The following EGFR variants were observed in gnomAD, a reference collection of about 807,000 sequenced individuals.
The protein encoded by EGFR is avian erythroblastic leukemia viral (v-erb-b) oncogene homolog.
Under a neutral mutation model 143.0 loss-of-function variants are expected in EGFR, and 58 were observed. The ratio of observed to expected loss-of-function variants is 0.41; its 90% confidence interval spans 0.33 to 0.50. The LOEUF (loss-of-function observed/expected upper bound fraction) is 0.50. EGFR is among the 20% of genes least tolerant of loss of function. EGFR has a pLI of 0.39. For synonymous variants in EGFR, 613 were observed against 594.4 expected (o/e 1.03, Z -0.45); for missense variants, 1,307 against 1,579.0 (o/e 0.83, Z 2.92).
intron 1 of EGFR, among the ~76,000 whole-genome samples, chr7:55,097,924 A>T (rs1791575446): frequency 6.6e-6 from 1 of 152,154 alleles, no homozygotes; most frequent in East Asian, 1.9e-4. Flanking sequence ...CAAATTTTTA[A>T]AAACATGACA....
intron 1 of EGFR, among the ~76,000 whole-genome samples, chr7:55,081,308 T>C (rs1790450068): frequency 6.6e-6 from 1 of 152,214 alleles, no homozygotes; most frequent in Non-Finnish European, 1.5e-5. Flanking sequence ...GTAACGGAGA[T>C]ACTCTATTCT....
chr7:55,101,811 G>C (rs1400538289), intron 1 of EGFR, among the ~76,000 whole-genome samples: 1 of 152,184 alleles, frequency 6.6e-6, no homozygotes, highest in African/African-American at 2.4e-5. Context: ...AAGTTTGCCT[G>C]TCAACAGTTC....
chr7:55,207,321 A>G lies in EGFR; in HGVS notation c.*1704A>G, dbSNP rs770091936. ...TTTTTGTCTCAATGAAAATAAAACTATATTCATTTCCACTCTATTATGCTC... is the reference window on the plus strand; with the variant it reads ...TTTTTGTCTCAATGAAAATAAAACTGTATTCATTTCCACTCTATTATGCTC... On this transcript the variant is annotated 3_prime_UTR_variant, in exon 28 of 28. Coordinates refer to ENST00000275493, the MANE Select transcript of EGFR (RefSeq NM_005228.5). 8.6e-6 allele frequency: 2 copies of G among 231,790 alleles called. No homozygotes were observed. The highest frequency in any genetic ancestry group is 1.3e-3 in the Middle Eastern group (1 of 772). The allele number at this position is 231,790 out of a possible 1,614,324, so 14.4% of individuals were successfully genotyped here. A position where few individuals can be genotyped will look rare whatever the true frequency, so the allele number is the denominator to read the frequency against.
chr7:55,040,171 C>T (rs2128868872), intron 1 of EGFR, among the ~76,000 whole-genome samples: 1 of 152,244 alleles, frequency 6.6e-6, no homozygotes, highest in Admixed American at 6.5e-5. Flanking sequence ...CTGCATCAGG[C>T]TTGGAAGTGG....
At chr7:55,187,270 C>T (rs945464202) in intron 20 of EGFR, among the ~76,000 whole-genome samples, 14 of 152,060 alleles carry the variant, frequency 9.2e-5, no homozygotes, top group Admixed American at 8.5e-4. Context: ...TGGTGACAAT[C>T]ATGAGCACCT....
chr7:55,035,882 C>T (rs536621139), intron 1 of EGFR, among the ~76,000 whole-genome samples: 2 of 152,126 alleles, frequency 1.3e-5, no homozygotes, highest in African/African-American at 4.8e-5. Context: ...CAACCTCCTC[C>T]AGTAGTAACA....
intron 1 of EGFR, among the ~76,000 whole-genome samples, chr7:55,021,317 G>A (rs1244967277): frequency 6.6e-6 from 1 of 152,214 alleles, no homozygotes; most frequent in Non-Finnish European, 1.5e-5. Flanking sequence ...TGTCAGCCCT[G>A]TCTCTGCCGA....
At chr7:55,154,379 GTGC>G (rs1160984242) in intron 7 of EGFR, among the ~76,000 whole-genome samples, 1 of 152,250 alleles carries the variant, frequency 6.6e-6, no homozygotes, top group African/African-American at 2.4e-5. Flanking sequence ...GGGCTGCTCA[GTGC>G]ACAGGGCAGA....
intron 1 of EGFR, among the ~76,000 whole-genome samples, chr7:55,042,452 T>A (rs1787949721): frequency 6.6e-6 from 1 of 152,068 alleles, no homozygotes; most frequent in Non-Finnish European, 1.5e-5. Context: ...GACAAGAAAA[T>A]CCATGTCCAT....
chr7:55,073,109 T>C (rs1789928643), intron 1 of EGFR, among the ~76,000 whole-genome samples: 1 of 152,230 alleles, frequency 6.6e-6, no homozygotes, highest in Admixed American at 6.5e-5. Context: ...AATATCTAAC[T>C]TCTCACTCAT....
intron 1 of EGFR, among the ~76,000 whole-genome samples, chr7:55,020,601 C>T (rs1335272348): frequency 1.3e-5 from 2 of 151,014 alleles, no homozygotes; most frequent in African/African-American, 4.9e-5. Flanking sequence ...CACCGGATTG[C>T]TGTCCCTGGT....
chr7:55,088,432 T>C (rs1584007242), intron 1 of EGFR, among the ~76,000 whole-genome samples: 2 of 152,254 alleles, frequency 1.3e-5, no homozygotes, highest in Admixed American at 1.3e-4. Context: ...TTTACCCTTT[T>C]GTGCAACTCC....
intron 1 of EGFR, among the ~76,000 whole-genome samples, chr7:55,141,627 C>G (rs961850047): frequency 6.6e-6 from 1 of 152,118 alleles, no homozygotes; most frequent in African/African-American, 2.4e-5. Context: ...TTGATTTATT[C>G]TTTGATGCAT....
chr7:55,095,621 A>G (rs1791413966), intron 1 of EGFR, among the ~76,000 whole-genome samples: 1 of 152,208 alleles, frequency 6.6e-6, no homozygotes, highest in African/African-American at 2.4e-5. Context: ...ACACACAGAT[A>G]CAAACACATA....
intron 1 of EGFR, among the ~76,000 whole-genome samples, chr7:55,101,589 G>T (rs936241882): frequency 6.6e-6 from 1 of 152,110 alleles, no homozygotes; most frequent in Non-Finnish European, 1.5e-5. Flanking sequence ...TGCTGCGTCC[G>T]GGCACAGCAT....
intron 1 of EGFR, among the ~76,000 whole-genome samples, chr7:55,096,961 C>A (rs1449062783): frequency 1.3e-5 from 2 of 152,088 alleles, no homozygotes; most frequent in East Asian, 3.9e-4. Context: ...TTCCTTACCC[C>A]CCCAGCTCCT....
At chr7:55,203,013 G>A (rs1787921631) in intron 27 of EGFR, 1 of 427,170 alleles carries the variant, frequency 2.3e-6, no homozygotes, top group Non-Finnish European at 4.1e-6. Context: ...ATCTTGACCT[G>A]TGAAACGTAT....
At chr7:55,139,653 C>T (rs1794346711) in intron 1 of EGFR, among the ~76,000 whole-genome samples, 1 of 152,170 alleles carries the variant, frequency 6.6e-6, no homozygotes, top group African/African-American at 2.4e-5. Flanking sequence ...CCTTCTTATT[C>T]TCAAGTATAG....
Position 55,205,284 on chromosome 7 carries a change from G to C in EGFR, c.3300G>C (p.Arg1100Ser), listed in dbSNP as rs2128975115. 1.2e-6 allele frequency: 2 copies of C among 1,612,924 alleles called. No homozygotes were observed. The highest frequency in any genetic ancestry group is 1.7e-6 in the Non-Finnish European group (2 of 1,179,512). Residue 1100 changes from arginine to serine, a missense_variant, in exon 28 of 28, where the codon AGG (arginine) becomes AGC (serine). Arg to Ser is a moderately radical substitution (Grantham distance 110). This residue lies in a region of EGFR where 313 missense variants were observed against 312.3 expected (regional missense o/e 1.00). Coordinates refer to ENST00000275493, the MANE Select transcript of EGFR (RefSeq NM_005228.5). ...PEYINQSVPKRPAGSVQNPVY... is the reference protein window; with the variant it reads ...PEYINQSVPKSPAGSVQNPVY... ...ACATAAACCAGTCCGTTCCCAAAAG[G>C]CCCGCTGGCTCTGTGCAGAATCCTG...
Sources: allele counts gnomAD v4.1 joint callset (sites outside exome capture counted in the v4.1 genomes callset), GRCh38; gene constraint gnomAD v4.1.1; regional missense constraint gnomAD v4.1.1; transcripts MANE v1.5; gene names NCBI Gene and HGNC (gene_info 2026-07-23, HGNC 2026-07-21).